The following MERTK variants were observed in gnomAD, a reference collection of about 807,000 sequenced individuals.
MERTK encodes tyrosine-protein kinase Mer.
A neutral mutation model predicts 99.3 loss-of-function variants in MERTK; 69 were observed. The ratio of observed to expected loss-of-function variants is 0.70; its 90% CI spans 0.57 to 0.85. MERTK has a LOEUF of 0.85. MERTK is among the 40% of genes least tolerant of loss of function. The pLI, the probability that MERTK is intolerant of heterozygous loss-of-function variation, is 0.00. For missense variants in MERTK, 1,125 were observed against 1,249.4 expected (o/e 0.90, Z 1.50); for synonymous variants, 426 against 467.6 (o/e 0.91, Z 1.15).
At chr2:111,958,805 C>T (rs1685194385) in intron 4 of MERTK, among the ~76,000 whole-genome samples, 2 of 152,134 alleles carry the variant, frequency 1.3e-5, no homozygotes, top group Admixed American at 6.5e-5. Flanking sequence ...AAATCTGCTA[C>T]TATAGGATCC....
Position 111,947,557 on chromosome 2 carries a change from A to G in MERTK, c.747A>G (p.Leu249=), listed in dbSNP as rs775696574. 3.1e-5 allele frequency: 50 copies of G among 1,614,064 alleles called. No individual in the cohort carries two copies. The highest frequency in any genetic ancestry group is 1.2e-4 in the Admixed American group (7 of 60,016). ...NEQPEKSPSV[L]TVPGLTEMAV... ...AGCCTGAAAAATCCCCCTCCGTGCTAACTGTTCCAGGTAAGTCCGAGCTGT... is the reference window on the plus strand; with the variant it reads ...AGCCTGAAAAATCCCCCTCCGTGCTGACTGTTCCAGGTAAGTCCGAGCTGT... The change falls in exon 4 of 19, where the codon CTA becomes CTG. Residue 249 remains leucine, a synonymous_variant. Coordinates refer to ENST00000295408, the MANE Select transcript of MERTK (RefSeq NM_006343.3).
chr2:111,946,661 A>G (rs929437526), intron 3 of MERTK, among the ~76,000 whole-genome samples: 8 of 152,214 alleles, frequency 5.3e-5, no homozygotes, highest in Non-Finnish European at 8.8e-5. Context: ...AGTCACACAC[A>G]TAATAGAATG....
chr2:111,928,398 G>C (rs1165771251), intron 1 of MERTK, among the ~76,000 whole-genome samples: 1 of 150,848 alleles, frequency 6.6e-6, no homozygotes, highest in African/African-American at 2.4e-5. Context: ...GCTAATTTTT[G>C]GGGTGGTTTT....
chr2:111,987,846 T>C (rs1004716268), intron 8 of MERTK, among the ~76,000 whole-genome samples: 21 of 152,206 alleles, frequency 1.4e-4, no homozygotes, highest in Non-Finnish European at 2.5e-4. Context: ...GACACATTTT[T>C]ATACGTGCGG....
chr2:111,935,408 A>G (rs553823157), intron 2 of MERTK, among the ~76,000 whole-genome samples: 1 of 152,152 alleles, frequency 6.6e-6, no homozygotes, highest in Non-Finnish European at 1.5e-5. Context: ...ATTAATTTAG[A>G]GGAGGAGGAA....
chr2:111,903,405 A>G lies in MERTK; in HGVS notation c.61+4609A>G, dbSNP rs76251910. 9.0e-3 allele frequency among the ~76,000 whole-genome samples: 1,364 copies of G among 152,302 alleles called. 28 individuals carry two copies. Among genetic ancestry groups the G allele is most frequent in the East Asian group, 0.03 (155 of 5,192 alleles). On this transcript the variant is annotated intron_variant, in intron 1 of 18. Transcript: ENST00000295408. ...TTGCTGGAGGAGCTAGTCAATTAAA[A>G]CCAGACAGATTTTTGGGCTGTATTA...
In MERTK at chr2:112,029,030, T is replaced by C; in HGVS notation, c.*166T>C. On this transcript the variant is annotated 3_prime_UTR_variant, in exon 19 of 19. Transcript: ENST00000295408. The stretch of plus-strand genomic sequence containing the variant: ...GTAAGCTGTCATTAAAAATACATAA[T>C]ATATATTTATTTAAAGAGAAAAAAT... 7.1e-7 allele frequency: 1 copy of C among 1,411,696 alleles called. No homozygotes were observed. Among genetic ancestry groups the C allele is most frequent in the Non-Finnish European group, 9.3e-7 (1 of 1,079,068 alleles). 87.4% of individuals were successfully genotyped at this position (1,411,696 alleles called of 1,614,324 possible). A position where few individuals can be genotyped will look rare whatever the true frequency, so the allele number is the denominator to read the frequency against.
At chr2:112,010,348 G>A (rs1677073282) in intron 15 of MERTK, 2 of 388,116 alleles carry the variant, frequency 5.2e-6, no homozygotes. Context: ...TCCTGGTTCT[G>A]CACTTCACAA....
intron 18 of MERTK, among the ~76,000 whole-genome samples, chr2:112,027,562 C>A (rs1012693831): frequency 2.6e-5 from 4 of 151,886 alleles, no homozygotes; most frequent in Non-Finnish European, 5.9e-5. Context: ...AGAGAGTTGC[C>A]CTCTATAAAA....
intron 1 of MERTK, among the ~76,000 whole-genome samples, chr2:111,904,379 C>CTTTT (rs11464692): frequency 6.9e-6 from 1 of 144,218 alleles, no homozygotes; most frequent in Non-Finnish European, 1.5e-5. Flanking sequence ...CCAGAAAATT[C>CTTTT]TTTTTTTTTT....
chr2:111,983,073 T>C, intron 8 of MERTK, 80 bp downstream of exon 8: 2 of 1,578,250 alleles, frequency 1.3e-6, no homozygotes, highest in Non-Finnish European at 1.7e-6. Context: ...AAGCTTTCAT[T>C]TGGTTTTGAA....
At chr2:111,948,770 T>G (rs1685004999) in intron 4 of MERTK, among the ~76,000 whole-genome samples, 1 of 152,144 alleles carries the variant, frequency 6.6e-6, no homozygotes, top group African/African-American at 2.4e-5. Context: ...GCTTCCTAAC[T>G]GGGCCTTTTT....
chr2:111,899,586 C>G lies in MERTK; in HGVS notation c.61+790C>G, dbSNP rs1311876158. Among the ~76,000 whole-genome samples the G allele has an allele frequency of 2.6e-5, 4 of 152,004 alleles. No individual in the cohort carries two copies. The East Asian group carries it at 7.7e-4, about 29-fold the overall frequency. On this transcript the variant is annotated intron_variant, in intron 1 of 18. Transcript: ENST00000295408. ...AGGCTGGAGTGCCGCGGCGCGATCTCGGCTCACTGCAGGCTCCGCCTCCCG... is the reference window on the plus strand; with the variant it reads ...AGGCTGGAGTGCCGCGGCGCGATCTGGGCTCACTGCAGGCTCCGCCTCCCG...
chr2:111,959,507 G>A (rs902275651), intron 4 of MERTK, among the ~76,000 whole-genome samples: 7 of 152,018 alleles, frequency 4.6e-5, no homozygotes, highest in African/African-American at 1.7e-4. Flanking sequence ...TTTTGTGTGT[G>A]TGTGACAGAG....
intron 11 of MERTK, 63 bp downstream of exon 11, chr2:112,001,349 A>G: frequency 1.6e-6 from 2 of 1,282,216 alleles, no homozygotes; most frequent in Admixed American, 1.7e-5. Flanking sequence ...AAGAAGGATC[A>G]ATAGACAGAT....
At chr2:112,004,029 G>A in intron 13 of MERTK, 45 bp downstream of exon 13, 1 of 1,529,602 alleles carries the variant, frequency 6.5e-7, no homozygotes, top group Non-Finnish European at 9.1e-7. Flanking sequence ...GTGGGCAGTT[G>A]CTTCAGTATT....
chr2:112,012,638 GC>G (rs1677129778), intron 15 of MERTK, among the ~76,000 whole-genome samples: 1 of 152,166 alleles, frequency 6.6e-6, no homozygotes, highest in Non-Finnish European at 1.5e-5. Flanking sequence ...AAGAGGGGCA[GC>G]AACCCCTGCC....
intron 1 of MERTK, among the ~76,000 whole-genome samples, chr2:111,908,913 A>G (rs1684190196): frequency 6.6e-6 from 1 of 152,244 alleles, no homozygotes; most frequent in Admixed American, 6.5e-5. Flanking sequence ...GGTGACTGGA[A>G]CATCTCAACA....
intron 13 of MERTK, among the ~76,000 whole-genome samples, chr2:112,006,436 C>T (rs926745370): frequency 5.3e-5 from 8 of 152,102 alleles, no homozygotes; most frequent in African/African-American, 1.9e-4. Flanking sequence ...GGAGCTGAAC[C>T]AAGCACTGAG....
Sources: gnomAD v4.1 joint callset for allele counts (sites outside exome capture counted in the v4.1 genomes callset) on GRCh38, gnomAD v4.1.1 for gene constraint, MANE v1.5 for transcripts, NCBI Gene and HGNC (gene_info 2026-07-23, HGNC 2026-07-21) for gene names.